The following PAWR variants were observed in gnomAD, a reference collection of about 807,000 sequenced individuals.
PAWR encodes PRKC apoptosis WT1 regulator protein.
Under a neutral mutation model 32.0 loss-of-function variants are expected in PAWR, and 23 were observed. The ratio of observed to expected loss-of-function variants is 0.72; its 90% CI spans 0.52 to 1.02. The LOEUF is 1.02. PAWR is among the 50% of genes least tolerant of loss of function. The probability of loss-of-function intolerance (pLI) is 0.00; values close to 1 mark genes in which losing one functional copy is unlikely to be tolerated. For synonymous variants in PAWR, 226 were observed against 187.1 expected (o/e 1.21, Z -1.70); for missense variants, 457 against 437.7 (o/e 1.04, Z -0.39).
chr12:79,651,715 G>A (rs564340681), intron 2 of PAWR, among the ~76,000 whole-genome samples: 2 of 142,266 alleles, frequency 1.4e-5, no homozygotes, highest in African/African-American at 4.9e-5. Context: ...GGGGCTGGGG[G>A]GGTGGGGCCA....
intron 2 of PAWR, among the ~76,000 whole-genome samples, chr12:79,652,458 C>T (rs1477358494): frequency 1.3e-5 from 2 of 152,132 alleles, no homozygotes; most frequent in African/African-American, 2.4e-5. Flanking sequence ...TAAAGAAAAG[C>T]TTTCAATACA....
At position 79,635,644 on chromosome 12, in the gene PAWR, T is replaced by G. The variant is rs1249180269; in HGVS notation, c.517-14437A>C. 2.6e-5 allele frequency: 4 copies of G among 152,260 alleles called. No homozygotes were observed. The East Asian group carries it at 7.7e-4, about 29-fold the overall frequency. 9.4% of individuals were successfully genotyped at this position (152,260 alleles called of 1,614,324 possible). A position where few individuals can be genotyped will look rare whatever the true frequency, so the allele number is the denominator to read the frequency against. On this transcript the variant is annotated intron_variant, in intron 2 of 6. Coordinates refer to ENST00000328827, the MANE Select transcript of PAWR (RefSeq NM_002583.4). The stretch of plus-strand genomic sequence containing the variant: ...TCCTGAAAATCCAGGAAATATGTTG[T>G]TTATAATCTTATTTTTAAAAATTGC...
At chr12:79,621,887 A>G (rs1875037005) in intron 2 of PAWR, among the ~76,000 whole-genome samples, 1 of 152,172 alleles carries the variant, frequency 6.6e-6, no homozygotes, top group Non-Finnish European at 1.5e-5. Context: ...AAATAGAAAC[A>G]AATCTCTATC....
chr12:79,670,349 A>G (rs1192165985), intron 2 of PAWR, among the ~76,000 whole-genome samples: 2 of 152,212 alleles, frequency 1.3e-5, no homozygotes, highest in African/African-American at 2.4e-5. Flanking sequence ...ATGAAAGCTT[A>G]AAAAACCAAA....
intron 2 of PAWR, among the ~76,000 whole-genome samples, chr12:79,624,804 T>A (rs946506949): frequency 1.3e-5 from 2 of 152,230 alleles, no homozygotes; most frequent in African/African-American, 4.8e-5. Context: ...ATTAAATAGA[T>A]GTACCTACCA....
Position 79,632,359 on chromosome 12 carries a change from ATATT to A in PAWR, c.517-11156_517-11153del, listed in dbSNP as rs1875743563. Among the ~76,000 whole-genome samples, 8 of 17,166 alleles carry A rather than the reference ATATT, an allele frequency of 4.7e-4. 1 individual carries two copies. Among genetic ancestry groups the A allele is most frequent in the South Asian group, 2.8e-3 (2 of 708 alleles). The allele number at this position is 17,166 out of a possible 152,430, so 11.3% of individuals were successfully genotyped here. On this transcript the variant is annotated intron_variant, in intron 2 of 6. Coordinates refer to ENST00000328827, the MANE Select transcript of PAWR (RefSeq NM_002583.4). ...TATATATATATATATATATATATAT[ATATT>A]TTTTTTTTTTTTTAGACAGGGTCTT...
In PAWR at chr12:79,590,187, G is replaced by A. The variant is rs1039291875; in HGVS notation, c.*2420C>T. ...TTCTTAAACAGCTCAGTCTTTAAAAGTATTAATAATTTTTTTTTTTTTTTT... is the reference window on the plus strand; with the variant it reads ...TTCTTAAACAGCTCAGTCTTTAAAAATATTAATAATTTTTTTTTTTTTTTT... On this transcript the variant is annotated 3_prime_UTR_variant, in exon 7 of 7. Transcript: ENST00000328827. The A allele has an allele frequency of 6.6e-6, 1 of 150,570 alleles. No individual in the cohort carries two copies. The highest frequency in any genetic ancestry group is 1.5e-5 in the Non-Finnish European group (1 of 67,656). 9.3% of individuals were successfully genotyped at this position (150,570 alleles called of 1,614,324 possible).
Position 79,668,881 on chromosome 12 carries a change from AC to A in PAWR, c.516+20847del, listed in dbSNP as rs1877747184. ...TACAAATATAAGGAGAGGAATCCAG[AC>A]AACAAGTTGGGGTATTCCTATTGGA... On this transcript the variant is annotated intron_variant, in intron 2 of 6. Transcript: ENST00000328827. Among the ~76,000 whole-genome samples the A allele has an allele frequency of 1.3e-5, 2 of 152,210 alleles. 1 individual carries two copies. The highest frequency in any genetic ancestry group is 4.1e-4 in the South Asian group (2 of 4,832).
rs1315314708 is a variant in PAWR, at chr12:79,689,787, T to C, written c.458A>G (p.Lys153Arg). 4.4e-6 allele frequency: 7 copies of C among 1,593,956 alleles called. No individual in the cohort carries two copies. The East Asian group carries it at 1.1e-4, about 26-fold the overall frequency. The change falls in exon 2 of 7, where the codon AAG becomes AGG. Residue 153 changes from lysine to arginine, a missense_variant. Lys to Arg is a conservative substitution (Grantham distance 26). Transcript: ENST00000328827. Reference sequence around the variant, plus strand: ...GCGCCGCTTCTCCCGCAGCTTCCTCTTCTCGATCTGCCCCTTGCCTTTCCT... The same window carrying C: ...GCGCCGCTTCTCCCGCAGCTTCCTCCTCTCGATCTGCCCCTTGCCTTTCCT... ...SARKGKGQIEKRKLREKRRST... is the reference protein window; with the variant it reads ...SARKGKGQIERRKLREKRRST...
At chr12:79,689,602 C>T (rs1263826135) in intron 2 of PAWR, 127 bp downstream of exon 2, 2 of 1,072,582 alleles carry the variant, frequency 1.9e-6, no homozygotes, top group African/African-American at 3.3e-5. Flanking sequence ...GCCTGCCTAA[C>T]TCGGTGAAGG....
intron 2 of PAWR, among the ~76,000 whole-genome samples, chr12:79,652,950 C>T (rs143705386): frequency 2.6e-5 from 4 of 152,300 alleles, no homozygotes; most frequent in African/African-American, 9.6e-5. Flanking sequence ...CCTACAACAA[C>T]AAAGTATTTG....
chr12:79,621,285 G>A lies in PAWR; in HGVS notation c.517-78C>T, dbSNP rs931386053. 5.7e-6 allele frequency: 6 copies of A among 1,050,942 alleles called. No homozygotes were observed. The East Asian group carries it at 7.8e-5, about 14-fold the overall frequency. The allele number at this position is 1,050,942 out of a possible 1,614,324, so 65.1% of individuals were successfully genotyped here. ...GATAATATGTGAAAATATATTGATA[G>A]TATTAAAGAAATATTTGTGCATTCA... On this transcript the variant is annotated intron_variant, in intron 2 of 6. Coordinates refer to ENST00000328827, the MANE Select transcript of PAWR (RefSeq NM_002583.4).
Position 79,613,588 on chromosome 12 carries a change from C to A in PAWR, c.670G>T (p.Gly224Cys). The A allele has an allele frequency of 6.5e-7, 1 of 1,546,698 alleles. No homozygotes were observed. Among genetic ancestry groups the A allele is most frequent in the South Asian group, 1.2e-5 (1 of 85,634 alleles). Residue 224 changes from glycine (G) to cysteine (C), a missense_variant, in exon 4 of 7, where the codon GGC becomes TGC. By Grantham distance (159) the Gly-to-Cys change is radical. Transcript: ENST00000328827. ...AAGGATTCTTACCTTTTATATCTGC[C>A]TGAAACTGTTCTAGGTGGCTCCTGC... ...LLQEPPRTVS[G>C]RYKSTTSVSE...
At chr12:79,600,102 T>A (rs560596004) in intron 4 of PAWR, among the ~76,000 whole-genome samples, 1 of 152,196 alleles carries the variant, frequency 6.6e-6, no homozygotes, top group Non-Finnish European at 1.5e-5. Context: ...ACTTCGCCCA[T>A]CAATTATGGC....
intron 2 of PAWR, among the ~76,000 whole-genome samples, chr12:79,685,023 T>C (rs1156266905): frequency 6.6e-6 from 1 of 152,224 alleles, no homozygotes; most frequent in African/African-American, 2.4e-5. Flanking sequence ...CACTAATGTA[T>C]GTCAAGTGCT....
intron 3 of PAWR, among the ~76,000 whole-genome samples, chr12:79,617,328 G>C (rs1262737408): frequency 1.3e-5 from 2 of 152,048 alleles, no homozygotes; most frequent in African/African-American, 4.8e-5. Flanking sequence ...CTCCAGCCTG[G>C]GTGGCAGAGC....
At chr12:79,676,035 A>T (rs999040033) in intron 2 of PAWR, among the ~76,000 whole-genome samples, 3 of 152,172 alleles carry the variant, frequency 2.0e-5, no homozygotes, top group African/African-American at 7.2e-5. Flanking sequence ...GAGGAAAAAA[A>T]AAAAATCAAG....
intron 2 of PAWR, among the ~76,000 whole-genome samples, chr12:79,639,921 T>C (rs989028447): frequency 9.6e-5 from 12 of 125,204 alleles, no homozygotes; most frequent in African/African-American, 6.7e-4. Context: ...CATTCTATTC[T>C]AGAGATGGAG....
chr12:79,672,621 G>A (rs932356534), intron 2 of PAWR, among the ~76,000 whole-genome samples: 5 of 150,746 alleles, frequency 3.3e-5, no homozygotes, highest in African/African-American at 1.2e-4. Flanking sequence ...CTATCTCCCT[G>A]TTTTATCCTC....
Sources: allele counts gnomAD v4.1 joint callset (sites outside exome capture counted in the v4.1 genomes callset), GRCh38; gene constraint gnomAD v4.1.1; transcripts MANE v1.5; gene names NCBI Gene and HGNC (gene_info 2026-07-23, HGNC 2026-07-21).